Variants in MIA3 observed in about 807,000 individuals in gnomAD.
The protein encoded by MIA3 is MIA SH3 domain ER export factor 3, also known as transport and Golgi organization protein 1 homolog.
In MIA3, 90 loss-of-function variants were observed where a neutral mutation model predicts 192.4. The ratio of observed to expected loss-of-function variants is 0.47; its 90% CI spans 0.39 to 0.56. The LOEUF is 0.56. Among genes scored for constraint, MIA3 ranks in the 20% least tolerant of loss-of-function variants. The probability of loss-of-function intolerance (pLI) is 0.00; values close to 1 mark genes in which losing one functional copy is unlikely to be tolerated. For synonymous variants in MIA3, 740 were observed against 792.8 expected (o/e 0.93, Z 1.12); for missense variants, 2,123 against 2,269.4 (o/e 0.94, Z 1.31).
intron 15 of MIA3, 124 bp downstream of exon 15, chr1:222,653,463 T>A: frequency 1.5e-6 from 1 of 655,128 alleles, no homozygotes; most frequent in Admixed American, 2.7e-5. Flanking sequence ...TGGATTTGAA[T>A]GTGTGTCTGT....
Position 222,618,254 on chromosome 1 carries a change from TG to T in MIA3, c.133+13del. On this transcript the variant is annotated intron_variant, in intron 1 of 27. Transcript: ENST00000344922. ...ACGACGAATGCAGCAGTGAGTGCGC[TG>T]GAGGGGCGGCTGGCCTCGGGGCGGC... The T allele has an allele frequency of 7.0e-7, 1 of 1,431,552 alleles. No individual in the cohort carries two copies. Among genetic ancestry groups the T allele is most frequent in the Non-Finnish European group, 9.3e-7 (1 of 1,080,358 alleles). 88.7% of individuals were successfully genotyped at this position (1,431,552 alleles called of 1,614,324 possible).
In MIA3 at chr1:222,659,758, G is replaced by T; in HGVS notation, c.4831G>T (p.Ala1611Ser). Residue 1611 changes from alanine (A) to serine (S), a missense_variant, in exon 22 of 28, where the codon GCT becomes TCT. Ala to Ser is a moderately conservative substitution (Grantham distance 99). Coordinates refer to ENST00000344922, the MANE Select transcript of MIA3 (RefSeq NM_198551.4). ...NWLKARAAER[A>S]IAEEKREAAN... Reference sequence around the variant, plus strand: ...GCTCAAAGCTCGTGCTGCAGAAAGAGCTATAGCTGAAGAGAAAAGGGAAGC... The same window carrying T: ...GCTCAAAGCTCGTGCTGCAGAAAGATCTATAGCTGAAGAGAAAAGGGAAGC... The T allele has an allele frequency of 1.9e-6, 3 of 1,614,136 alleles. No homozygotes were observed. The highest frequency in any genetic ancestry group is 2.5e-6 in the Non-Finnish European group (3 of 1,180,002).
chr1:222,646,299 C>T (rs1305154110), intron 7 of MIA3, among the ~76,000 whole-genome samples: 22 of 151,856 alleles, frequency 1.4e-4, no homozygotes, highest in Admixed American at 1.4e-3. Flanking sequence ...GCCTGTAATC[C>T]CAGCTACTCG....
chr1:222,654,199 G>A, intron 15 of MIA3, 44 bp from the exon 16 acceptor site: 1 of 1,573,104 alleles, frequency 6.4e-7, no homozygotes, highest in Non-Finnish European at 8.7e-7. Flanking sequence ...GATTTAAAAA[G>A]CAAGGGAAGA....
Position 222,666,013 on chromosome 1 carries a change from A to G in MIA3, c.*394A>G, listed in dbSNP as rs1664264579. On this transcript the variant is annotated 3_prime_UTR_variant, in exon 28 of 28. Coordinates refer to ENST00000344922, the MANE Select transcript of MIA3 (RefSeq NM_198551.4). Reference sequence around the variant, plus strand: ...AGCTGAATACGGAGCAATGGTGTTTATAAGCGTTTTTTTAAACTATCTGGT... The same window carrying G: ...AGCTGAATACGGAGCAATGGTGTTTGTAAGCGTTTTTTTAAACTATCTGGT... 1 of 156,604 alleles carries G rather than the reference A, an allele frequency of 6.4e-6. No individual in the cohort carries two copies. The highest frequency in any genetic ancestry group is 1.9e-4 in the East Asian group (1 of 5,352). 9.7% of individuals were successfully genotyped at this position (156,604 alleles called of 1,614,324 possible).
chr1:222,660,408 T>G, intron 24 of MIA3, 94 bp downstream of exon 24: 1 of 1,281,200 alleles, frequency 7.8e-7, no homozygotes, highest in Non-Finnish European at 1.0e-6. Flanking sequence ...AATTCGGGTC[T>G]GTCCAGTATA....
intron 18 of MIA3, among the ~76,000 whole-genome samples, chr1:222,657,634 C>T (rs1399556193): frequency 1.3e-5 from 2 of 152,196 alleles, no homozygotes; most frequent in Non-Finnish European, 2.9e-5. Context: ...TTCTTCAAGA[C>T]TTGTTTTTTC....
chr1:222,618,210 G>T lies in MIA3; in HGVS notation c.100G>T (p.Glu34Ter). The T allele has an allele frequency of 6.7e-7, 1 of 1,492,034 alleles. No homozygotes were observed. The highest frequency in any genetic ancestry group is 2.2e-5 in the Admixed American group (1 of 46,032). The allele number at this position is 1,492,034 out of a possible 1,614,324, so 92.4% of individuals were successfully genotyped here. Residue 34 changes from glutamate (E) to a stop codon, truncating the protein, a stop_gained, in exon 1 of 28, where the codon GAG becomes TAG. Transcript: ENST00000344922. LOFTEE classifies it high-confidence loss of function. ...CCCCAGCACTGGCCGGCGGTTCTCG[G>T]AGCACAAACTCTGCGCGGACGACGA... ...LDPSTGRRFS[E>*]HKLCADDECS...
intron 1 of MIA3, among the ~76,000 whole-genome samples, chr1:222,619,324 T>C (rs1446968467): frequency 6.6e-6 from 1 of 152,224 alleles, no homozygotes; most frequent in Non-Finnish European, 1.5e-5. Context: ...GAAACGGTTT[T>C]TCATACACTG....
At chr1:222,648,200 C>G (rs959427327) in intron 7 of MIA3, among the ~76,000 whole-genome samples, 3 of 152,180 alleles carry the variant, frequency 2.0e-5, no homozygotes, top group Admixed American at 1.3e-4. Context: ...GCATTTTCCT[C>G]TAGTAGTCTT....
Position 222,628,948 on chromosome 1 carries a change from C to T in MIA3, c.1728C>T (p.Ser576=). 6.2e-7 allele frequency: 1 copy of T among 1,614,096 alleles called. No individual in the cohort carries two copies. Among genetic ancestry groups the T allele is most frequent in the South Asian group, 1.1e-5 (1 of 91,076 alleles). The change falls in exon 4 of 28, where the codon TCC becomes TCT. Residue 576 remains serine, a synonymous_variant. Coordinates refer to ENST00000344922, the MANE Select transcript of MIA3 (RefSeq NM_198551.4). ...ATGACAGAAAGATTCAACAGGAATC[C>T]CTGGGTAGTGCACCACTCATGGGAG... ...QMNDRKIQQE[S]LGSAPLMGDD...
intron 27 of MIA3, chr1:222,665,056 G>A (rs1405424508): frequency 6.2e-6 from 3 of 482,612 alleles, no homozygotes; most frequent in Admixed American, 3.4e-5. Flanking sequence ...AAAATTAGCT[G>A]GGAGTGGTGG....
rs566631562 is a variant in MIA3, at chr1:222,631,831, A to C, written c.3170-334A>C. ...AGAGTTCATGTTACTTCTCTGCAGA[A>C]TAGATGTTTCACATTTCTGCTCTTG... On this transcript the variant is annotated intron_variant, in intron 4 of 27. Coordinates refer to ENST00000344922, the MANE Select transcript of MIA3 (RefSeq NM_198551.4). Among the ~76,000 whole-genome samples the C allele has an allele frequency of 2.6e-5, 4 of 152,352 alleles. No individual in the cohort carries two copies. The South Asian group carries it at 8.3e-4, about 32-fold the overall frequency.
Position 222,653,333 on chromosome 1 carries a change from G to A in MIA3, c.4315G>A (p.Val1439Met). Residue 1439 changes from valine (V) to methionine (M), a missense_variant, in exon 15 of 28, where the codon GTG (valine) becomes ATG (methionine). By Grantham distance (21) the Val-to-Met change is conservative. Around this residue, in one of 3 missense-constraint regions of MIA3, gnomAD observed 762 missense variants for 856.4 expected, o/e 0.89. Transcript: ENST00000344922. ...NDSDELANGE[V>M]GGDRNEKMKN... ...TTCAGATGAATTAGCAAATGGAGAA[G>A]TGGGAGGTAAGATCAGCCTCAAGGA... 1.2e-6 allele frequency: 2 copies of A among 1,611,502 alleles called. No homozygotes were observed. Among genetic ancestry groups the A allele is most frequent in the Non-Finnish European group, 1.7e-6 (2 of 1,177,856 alleles).
intron 6 of MIA3, chr1:222,644,311 T>C (rs1379629170): frequency 1.4e-6 from 2 of 1,437,530 alleles, no homozygotes; most frequent in African/African-American, 2.9e-5. Flanking sequence ...ATGACGTGTT[T>C]TATAGGCGGC....
At chr1:222,624,527 T>C (rs1185192719) in intron 2 of MIA3, among the ~76,000 whole-genome samples, 1 of 152,178 alleles carries the variant, frequency 6.6e-6, no homozygotes, top group East Asian at 1.9e-4. Context: ...TCTCTTGTGG[T>C]TCTCATGTAT....
chr1:222,618,315 C>CGCG lies in MIA3; in HGVS notation c.133+79_133+81dup, dbSNP rs1366475333. 3.5e-5 allele frequency: 44 copies of CGCG among 1,263,232 alleles called. No homozygotes were observed. In the Admixed American group the frequency reaches 1.7e-3, roughly 49 times the overall value. The allele number at this position is 1,263,232 out of a possible 1,614,324, so 78.3% of individuals were successfully genotyped here. A position where few individuals can be genotyped will look rare whatever the true frequency, so the allele number is the denominator to read the frequency against. ...GGTCTCCGCCGGCCCCGGGGGTCTC[C>CGCG]GCGGCGGCGCCGCCTGGGCTGTGCG... On this transcript the variant is annotated intron_variant, in intron 1 of 27. Transcript: ENST00000344922.
At chr1:222,630,431 G>A in intron 4 of MIA3, 42 bp downstream of exon 4, 1 of 1,536,800 alleles carries the variant, frequency 6.5e-7, no homozygotes, top group Non-Finnish European at 8.7e-7. Flanking sequence ...TGGAGAAGCA[G>A]GTGGGTGGGT....
chr1:222,637,519 C>A (rs367696651), intron 6 of MIA3, among the ~76,000 whole-genome samples: 4 of 152,028 alleles, frequency 2.6e-5, no homozygotes, highest in African/African-American at 9.6e-5. Context: ...ATATTTGATT[C>A]TTTTTGTTTA....
Sources: gnomAD v4.1 joint callset for allele counts (sites outside exome capture counted in the v4.1 genomes callset) on GRCh38, gnomAD v4.1.1 for gene constraint, gnomAD v4.1.1 regional missense constraint, MANE v1.5 for transcripts, NCBI Gene and HGNC (gene_info 2026-07-23, HGNC 2026-07-21) for gene names.